NME6: variants seen among roughly 807,000 people sequenced by gnomAD.
NME6 encodes nucleoside diphosphate kinase 6, mitochondrial.
NME6 carries 16 observed loss-of-function variants against 22.2 expected under a neutral mutation model. That is an observed-to-expected ratio of 0.72 (90% CI 0.49 to 1.09). NME6 has a LOEUF of 1.09. NME6 is among the 50% of genes least tolerant of loss of function. The pLI, the probability that NME6 is intolerant of heterozygous loss-of-function variation, is 0.00. For missense variants in NME6, 229 were observed against 239.0 expected (o/e 0.96, Z 0.28); for synonymous variants, 58 against 85.2 (o/e 0.68, Z 1.76).
At chr3:48,295,803 C>T in intron 4 of NME6, 1 of 408,762 alleles carries the variant, frequency 2.4e-6, no homozygotes, top group Non-Finnish European at 4.5e-6. Flanking sequence ...TCAACCTCCA[C>T]CTCCCAGGTT....
intron 4 of NME6, chr3:48,295,854 T>C (rs1298981005): frequency 1.2e-5 from 6 of 505,198 alleles, no homozygotes; most frequent in Non-Finnish European, 2.1e-5. Flanking sequence ...TAGCTGGGAT[T>C]ACAGGCACCT....
At chr3:48,291,085 G>A, downstream of NME6, 1 of 289,046 alleles carries the variant, frequency 3.5e-6, no homozygotes, top group Non-Finnish European at 6.9e-6. Flanking sequence ...AGTTACACAA[G>A]GGATACACTT....
At position 48,298,500 on chromosome 3, in the gene NME6, C is replaced by T. The variant is rs749006710; in HGVS notation, c.17G>A (p.Arg6Gln). 3.1e-6 allele frequency: 5 copies of T among 1,608,454 alleles called. No individual in the cohort carries two copies. The highest frequency in any genetic ancestry group is 1.7e-5 in the Admixed American group (1 of 58,950). ...AGTGAGCTGGAGAGCCTGAGGGCTT[C>T]GCAAGATTGAGGCCATCTCACTCCT... MASIL[R>Q]SPQALQLTLA... The change falls in exon 2 of 6, where the codon CGA (arginine) becomes CAA (glutamine). Residue 6 changes from arginine to glutamine, a missense_variant. Transcript: ENST00000442597.
chr3:48,294,427 T>C lies in NME6; in HGVS notation c.*210A>G, dbSNP rs1445543565. ...AGTTCTCAGCAAAGAGGAGTCATCA[T>C]TCTTCTGAACCACCATAAACATTCC... On this transcript the variant is annotated 3_prime_UTR_variant, in exon 6 of 6. Coordinates refer to ENST00000442597, the MANE Select transcript of NME6 (RefSeq NM_001308426.2). The C allele has an allele frequency of 1.9e-6, 1 of 521,100 alleles. No homozygotes were observed. Among genetic ancestry groups the C allele is most frequent in the Non-Finnish European group, 3.5e-6 (1 of 289,678 alleles). 32.3% of individuals were successfully genotyped at this position (521,100 alleles called of 1,614,324 possible). A position where few individuals can be genotyped will look rare whatever the true frequency, so the allele number is the denominator to read the frequency against.
chr3:48,294,558 T>G lies in NME6; in HGVS notation c.*79A>C, dbSNP rs181840018. On this transcript the variant is annotated 3_prime_UTR_variant, in exon 6 of 6. Transcript: ENST00000442597. Reference sequence around the variant, plus strand: ...CAGAAATGGCACTGTAAGCCAGGCTTCCCTGGTCCTAGGAGAATGTTTTAG... The same window carrying G: ...CAGAAATGGCACTGTAAGCCAGGCTGCCCTGGTCCTAGGAGAATGTTTTAG... 1,042 of 1,502,058 alleles carry G rather than the reference T, an allele frequency of 6.9e-4. 1 individual carries two copies. Among genetic ancestry groups the G allele is most frequent in the Middle Eastern group, 1.7e-3 (7 of 4,204 alleles). 93.0% of individuals were successfully genotyped at this position (1,502,058 alleles called of 1,614,324 possible).
chr3:48,294,714 G>A lies in NME6; in HGVS notation c.484C>T (p.Arg162Cys), dbSNP rs545613657. ...GGGCTATAGCACACAGGGCCACAGC[G>A]CAACTGGGGCTCTTCCTCCTCATAC... Reference protein sequence around the residue: ...RWYEEEEPQLRCGPVCYSPEG... With the variant: ...RWYEEEEPQLCCGPVCYSPEG... The change falls in exon 6 of 6, where the codon CGC becomes TGC. Residue 162 changes from arginine (R) to cysteine (C), a missense_variant. Physicochemically the swap from Arg to Cys is radical, Grantham distance 180. Transcript: ENST00000442597. 9 of 1,614,150 alleles carry A rather than the reference G, an allele frequency of 5.6e-6. No homozygotes were observed. The East Asian group carries it at 6.7e-5, about 12-fold the overall frequency.
downstream of NME6, chr3:48,288,616 A>G (rs967246441): frequency 2.6e-5 from 4 of 152,132 alleles, no homozygotes; most frequent in Admixed American, 1.3e-4. Flanking sequence ...AGTTATCTCA[A>G]TTGTTCACAG....
At position 48,295,205 on chromosome 3, in the gene NME6, G is replaced by A. The variant is rs1478296951; in HGVS notation, c.264C>T (p.His88=). 4.3e-6 allele frequency: 7 copies of A among 1,614,044 alleles called. No homozygotes were observed. Among genetic ancestry groups the A allele is most frequent in the Admixed American group, 1.7e-5 (1 of 60,026 alleles). ...TCCTCCAGAGCTGGATGGCATCCTT[G>A]TGGGCAAGGATGTAGGCTCGGATTG... ...SGPIRAYILA[H]KDAIQLWRTL... The change falls in exon 5 of 6, where the codon CAC becomes CAT. Residue 88 remains histidine (H), a synonymous_variant. Transcript: ENST00000442597.
In NME6 at chr3:48,293,800, T is replaced by G. The variant is rs146808113; in HGVS notation, c.*837A>C. On this transcript the variant is annotated 3_prime_UTR_variant, in exon 6 of 6. Coordinates refer to ENST00000442597, the MANE Select transcript of NME6 (RefSeq NM_001308426.2). ...TTTCAGTATGTCTTGAATAGAGAAT[T>G]TATGAAAATAAATGTTTGCATAAGC... The G allele has an allele frequency of 2.6e-5, 4 of 152,270 alleles. No individual in the cohort carries two copies. Among genetic ancestry groups the G allele is most frequent in the African/African-American group, 9.6e-5 (4 of 41,544 alleles). The allele number at this position is 152,270 out of a possible 1,614,324, so 9.4% of individuals were successfully genotyped here. A position where few individuals can be genotyped will look rare whatever the true frequency, so the allele number is the denominator to read the frequency against.
At position 48,293,533 on chromosome 3, in the gene NME6, A is replaced by T. The variant is rs1257831358; in HGVS notation, c.*1104T>A. 1.3e-5 allele frequency: 2 copies of T among 152,192 alleles called. No homozygotes were observed. Among genetic ancestry groups the T allele is most frequent in the East Asian group, 3.9e-4 (2 of 5,188 alleles). 9.4% of individuals were successfully genotyped at this position (152,192 alleles called of 1,614,324 possible). On this transcript the variant is annotated 3_prime_UTR_variant, in exon 6 of 6. Transcript: ENST00000442597. ...CTAGTGCCCCAGACCCCTGCTATGG[A>T]TACCCTATTTGACCTTCAGGCTTAG...
At chr3:48,301,195 A>T in intron 1 of NME6, 158 bp downstream of exon 1, 2 of 1,425,398 alleles carry the variant, frequency 1.4e-6, no homozygotes, top group South Asian at 1.3e-5. Context: ...CACGCCCTCC[A>T]GCCCCCCGGG....
At chr3:48,298,111 A>C (rs35512171) in intron 2 of NME6, 1 of 364,464 alleles carries the variant, frequency 2.7e-6, no homozygotes, top group Non-Finnish European at 5.2e-6. Flanking sequence ...AAACTACTGA[A>C]CTGTGAAATA....
intron 1 of NME6, chr3:48,300,237 G>A (rs989578434): frequency 2.2e-6 from 1 of 456,502 alleles, no homozygotes; most frequent in Non-Finnish European, 4.4e-6. Flanking sequence ...CCTTATCACG[G>A]CCTCCCAGGC....
rs1405281469 is a variant in NME6, at chr3:48,293,414, A to G, written c.*1223T>C. 1 of 152,232 alleles carries G rather than the reference A, an allele frequency of 6.6e-6. No homozygotes were observed. The highest frequency in any genetic ancestry group is 1.5e-5 in the Non-Finnish European group (1 of 68,044). 9.4% of individuals were successfully genotyped at this position (152,232 alleles called of 1,614,324 possible). A position where few individuals can be genotyped will look rare whatever the true frequency, so the allele number is the denominator to read the frequency against. On this transcript the variant is annotated 3_prime_UTR_variant, in exon 6 of 6. Coordinates refer to ENST00000442597, the MANE Select transcript of NME6 (RefSeq NM_001308426.2). ...CAAAAAGAGAAATACACATGTACTG[A>G]GAAAGAAAAGTCAAGACCTGTAAGA... is the stretch of plus-strand genomic sequence containing the variant.
intron 4 of NME6, 139 bp from the exon 5 acceptor site, chr3:48,295,374 A>C: frequency 3.2e-6 from 3 of 933,502 alleles, no homozygotes; most frequent in Non-Finnish European, 1.6e-6. Context: ...TGCTGCTTCA[A>C]ATAGGTGATG....
Position 48,300,131 on chromosome 3 carries a change from C to CAGCAGCCAA in NME6, c.-8+1213_-8+1221dup, listed in dbSNP as rs1249621135. The stretch of plus-strand genomic sequence containing the variant: ...CCTGCCAACCTCTACAATCTCCACA[C>CAGCAGCCAA]AGCAGCCAAAGTGAACCACACATGA... On this transcript the variant is annotated intron_variant, in intron 1 of 5. Transcript: ENST00000442597. The CAGCAGCCAA allele has an allele frequency of 3.6e-5, 15 of 419,136 alleles. No homozygotes were observed. In the Admixed American group the frequency reaches 4.0e-4, roughly 11 times the overall value. The allele number at this position is 419,136 out of a possible 1,614,324, so 26.0% of individuals were successfully genotyped here.
chr3:48,294,295 A>G lies in NME6; in HGVS notation c.*342T>C, dbSNP rs977323190. On this transcript the variant is annotated 3_prime_UTR_variant, in exon 6 of 6. Coordinates refer to ENST00000442597, the MANE Select transcript of NME6 (RefSeq NM_001308426.2). ...CACCATGTTGGTCAGGCTGGTCTCG[A>G]ATTCCTGACCTTGTGATCCGCCTGC... 6 of 194,994 alleles carry G rather than the reference A, an allele frequency of 3.1e-5. No individual in the cohort carries two copies. The Admixed American group carries it at 3.1e-4, about 10-fold the overall frequency. The allele number at this position is 194,994 out of a possible 1,614,324, so 12.1% of individuals were successfully genotyped here. A position where few individuals can be genotyped will look rare whatever the true frequency, so the allele number is the denominator to read the frequency against.
intron 2 of NME6, chr3:48,297,529 ATGGT>A (rs2035242845): frequency 6.6e-6 from 1 of 152,458 alleles, no homozygotes; most frequent in South Asian, 2.1e-4. Context: ...TTATCAAACT[ATGGT>A]ACACAGAATG....
chr3:48,301,272 C>G, intron 1 of NME6, 81 bp downstream of exon 1: 2 of 1,596,592 alleles, frequency 1.3e-6, no homozygotes, highest in Non-Finnish European at 1.7e-6. Context: ...GCCCTCACCC[C>G]TCGTACCCGG....
Sources: allele counts gnomAD v4.1 joint callset, GRCh38; gene constraint gnomAD v4.1.1; transcripts MANE v1.5; gene names NCBI Gene and HGNC (gene_info 2026-07-23, HGNC 2026-07-21).